The following TRPM1 variants were observed in gnomAD, a reference collection of about 807,000 sequenced individuals.
TRPM1 encodes the protein TRPM1-203 APA Isoform, Intron 10.
TRPM1 carries 113 observed loss-of-function variants against 149.4 expected under a neutral mutation model. That is an observed-to-expected ratio of 0.76 (90% CI 0.65 to 0.88). TRPM1 has a LOEUF of 0.88. TRPM1 is among the 40% of genes least tolerant of loss of function. The pLI is 0.00. For missense variants in TRPM1, 1,976 were observed against 2,038.7 expected (o/e 0.97, Z 0.59); for synonymous variants, 741 against 759.5 (o/e 0.98, Z 0.40).
chr15:31,148,613 T>C, intron 1 of TRPM1, among the ~76,000 whole-genome samples: 1 of 152,168 alleles, frequency 6.6e-6, no homozygotes, highest in Non-Finnish European at 1.5e-5. Flanking sequence ...CCACGAAGAA[T>C]GAAGAGACAG....
intron 1 of TRPM1, among the ~76,000 whole-genome samples, chr15:31,120,151 C>A (rs1383408542): frequency 1.3e-5 from 2 of 151,246 alleles, no homozygotes; most frequent in African/African-American, 4.9e-5. Context: ...TTGTTTAGCT[C>A]CCATTTATAA....
intron 1 of TRPM1, among the ~76,000 whole-genome samples, chr15:31,150,341 G>A (rs372265642): frequency 1.6e-4 from 24 of 151,924 alleles, no homozygotes; most frequent in African/African-American, 4.8e-4. Flanking sequence ...TGCATTTGGT[G>A]TTAGGCTATA....
intron 1 of TRPM1, among the ~76,000 whole-genome samples, chr15:31,121,003 C>T (rs1033954550): frequency 2.0e-5 from 3 of 151,946 alleles, no homozygotes; most frequent in African/African-American, 7.2e-5. Context: ...TCAAGGTGGG[C>T]AGATCACGAG....
intron 2 of TRPM1, among the ~76,000 whole-genome samples, chr15:31,080,832 G>T (rs2034838905): frequency 6.6e-6 from 1 of 151,806 alleles, no homozygotes; most frequent in South Asian, 2.1e-4. Context: ...GCGCTGTCCA[G>T]GAAACCTGTG....
Position 31,113,432 on chromosome 15 carries a change from GTT to G in TRPM1, c.55-36450_55-36449del, listed in dbSNP as rs3080947. 8.4e-4 allele frequency among the ~76,000 whole-genome samples: 126 copies of G among 149,574 alleles called. 1 individual carries two copies. The highest frequency in any genetic ancestry group is 3.4e-3 in the Middle Eastern group (1 of 290). ...CAGAATTCAATACCCAGCTCTGACA[GTT>G]TTTTTTTTTTCAAAATCTCTAAGGT... On this transcript the variant is annotated intron_variant, in intron 1 of 26. Transcript: ENST00000542188.
intron 1 of TRPM1, among the ~76,000 whole-genome samples, chr15:31,136,776 A>G: frequency 6.8e-6 from 1 of 147,494 alleles, no homozygotes; most frequent in Middle Eastern, 3.2e-3. Flanking sequence ...CTATAAAGCC[A>G]ACCTCCTCTG....
intron 13 of TRPM1, 135 bp downstream of exon 13, chr15:31,049,240 G>C (rs1269001329): frequency 7.7e-7 from 1 of 1,303,976 alleles, no homozygotes; most frequent in Non-Finnish European, 1.1e-6. Flanking sequence ...CAGGTGAGAA[G>C]TAGCCGCCTG....
chr15:31,046,156 A>G (rs568726420), intron 16 of TRPM1, 48 bp downstream of exon 16: 9 of 1,586,534 alleles, frequency 5.7e-6, no homozygotes, highest in East Asian at 4.5e-5. Flanking sequence ...AGGGCTATGT[A>G]TATTTGACCA....
At chr15:31,074,163 C>T (rs894751960) in intron 3 of TRPM1, among the ~76,000 whole-genome samples, 6 of 151,986 alleles carry the variant, frequency 3.9e-5, no homozygotes, top group African/African-American at 1.4e-4. Context: ...AGTTTTCTAT[C>T]TTGTGATATC....
chr15:31,077,053 AC>A, intron 2 of TRPM1, 69 bp from the exon 3 acceptor site: 1 of 1,043,258 alleles, frequency 9.6e-7, no homozygotes, highest in Non-Finnish European at 1.5e-6. Context: ...CCATTCTTAT[AC>A]CTTTATAAAA....
chr15:31,161,036 T>A, exon 1 of TRPM1: 2 of 1,403,202 alleles, frequency 1.4e-6, no homozygotes, highest in Non-Finnish European at 1.9e-6. Flanking sequence ...CTGCCCTCCC[T>A]GGGTGGGCAG....
chr15:31,023,502 T>C (rs563267854), intron 27 of TRPM1, among the ~76,000 whole-genome samples: 93 of 152,022 alleles, frequency 6.1e-4, no homozygotes, highest in Middle Eastern at 6.8e-3. Context: ...GAAACAAATA[T>C]GGAGAGCTCA....
At chr15:31,060,411 T>A (rs2034195464) in intron 11 of TRPM1, 133 bp downstream of exon 11, 1 of 779,398 alleles carries the variant, frequency 1.3e-6, no homozygotes, top group African/African-American at 1.7e-5. Context: ...CTAATGAGCC[T>A]AATAGATTAC....
At chr15:31,026,875 G>T in intron 26 of TRPM1, 40 bp downstream of exon 26, 1 of 1,600,902 alleles carries the variant, frequency 6.2e-7, no homozygotes. Flanking sequence ...ACACTATTTT[G>T]AAATCAGCCC....
intron 27 of TRPM1, among the ~76,000 whole-genome samples, chr15:31,020,441 C>T (rs2032515432): frequency 1.3e-5 from 2 of 152,258 alleles, no homozygotes; most frequent in Non-Finnish European, 2.9e-5. Context: ...CTTTCTGTAT[C>T]CCTGCCTTTC....
chr15:31,058,415 C>A (rs1050662084), intron 11 of TRPM1, among the ~76,000 whole-genome samples: 1 of 152,192 alleles, frequency 6.6e-6, no homozygotes, highest in Non-Finnish European at 1.5e-5. Context: ...CCAGGACTAC[C>A]TTCCCTTCTC....
At chr15:31,067,820 G>A (rs1255415444) in intron 5 of TRPM1, 59 bp downstream of exon 5, 1 of 1,533,626 alleles carries the variant, frequency 6.5e-7, no homozygotes, top group African/African-American at 1.4e-5. Context: ...GCTCTTTGGG[G>A]ACCACAGTGA....
chr15:31,007,664 A>G (rs868571293), intron 27 of TRPM1, among the ~76,000 whole-genome samples: 69 of 143,684 alleles, frequency 4.8e-4, no homozygotes, highest in Admixed American at 2.2e-3. Flanking sequence ...AACAACAACA[A>G]CAACAACAAC....
intron 27 of TRPM1, among the ~76,000 whole-genome samples, chr15:31,017,414 G>C (rs751468696): frequency 6.6e-6 from 1 of 152,182 alleles, no homozygotes; most frequent in Non-Finnish European, 1.5e-5. Flanking sequence ...AACAAAAGCT[G>C]TTTCTGATTA....
Sources: allele counts gnomAD v4.1 joint callset (sites outside exome capture counted in the v4.1 genomes callset), GRCh38; gene constraint gnomAD v4.1.1; transcripts MANE v1.5; gene names NCBI Gene and HGNC (gene_info 2026-07-23, HGNC 2026-07-21).